The following TRMT11 variants were observed in gnomAD, a reference collection of about 807,000 sequenced individuals.
The protein encoded by TRMT11 is tRNA methyltransferase 11.
In TRMT11, 53 loss-of-function variants were observed where a neutral mutation model predicts 62.8. That is an observed-to-expected ratio of 0.84 (90% CI 0.68 to 1.06). TRMT11 has a LOEUF of 1.06. TRMT11 is among the 50% of genes least tolerant of loss of function. The pLI is 0.00. For synonymous variants in TRMT11, 188 were observed against 190.3 expected (o/e 0.99, Z 0.10); for missense variants, 556 against 553.4 (o/e 1.00, Z -0.05).
At chr6:125,986,658 A>G (rs1200047631) in intron 1 of TRMT11, 36 bp downstream of exon 1, 3 of 1,553,906 alleles carry the variant, frequency 1.9e-6, no homozygotes, top group Admixed American at 1.9e-5. Context: ...TTCCGACGGA[A>G]GAGGACGCTG....
the TRMT11 span, among the ~76,000 whole-genome samples, chr6:126,263,370 T>C: frequency 2.5e-3 from 375 of 152,338 alleles, no homozygotes; most frequent in African/African-American, 8.6e-3. Flanking sequence ...ATATTGGTAA[T>C]TGGCAAACAT....
the TRMT11 span, among the ~76,000 whole-genome samples, chr6:126,270,327 G>A: frequency 6.6e-6 from 1 of 152,158 alleles, no homozygotes; most frequent in Admixed American, 6.5e-5. Context: ...ACAGAAGGGA[G>A]ATGCAAATAT....
intron 1 of TRMT11, among the ~76,000 whole-genome samples, chr6:125,990,168 T>C (rs931757711): frequency 1.3e-5 from 2 of 152,202 alleles, no homozygotes; most frequent in African/African-American, 2.4e-5. Flanking sequence ...ATTGTTTCTT[T>C]TTGTTCTGTT....
rs1377290203 is a variant in TRMT11 at position 126,154,322 on chromosome 6, GAT to G, written c.*1824-20500_*1824-20499del. On this transcript the variant is annotated intron_variant and NMD_transcript_variant, in intron 21 of 22. Coordinates refer to the TRMT11 transcript ENST00000648977. ...GTTAGTGTTAGGTATCAGTAATAAA[GAT>G]ATGTGTGTGTGTGTATGTGTGTGTG... 5.4e-5 allele frequency among the ~76,000 whole-genome samples: 8 copies of G among 146,856 alleles called. No homozygotes were observed. The South Asian group carries it at 6.4e-4, about 12-fold the overall frequency.
intron 1 of TRMT11, 41 bp downstream of exon 1, chr6:125,986,663 A>C: frequency 1.3e-6 from 2 of 1,543,494 alleles, no homozygotes; most frequent in South Asian, 2.4e-5. Context: ...ACGGAAGAGG[A>C]CGCTGGAGTG....
intron 12 of TRMT11, among the ~76,000 whole-genome samples, chr6:126,022,781 A>G (rs1796019190): frequency 1.3e-5 from 2 of 152,244 alleles, no homozygotes; most frequent in Admixed American, 6.5e-5. Context: ...GGTATCTACT[A>G]TATGTATATA....
chr6:126,028,399 T>G (rs1027922418), intron 12 of TRMT11, among the ~76,000 whole-genome samples: 7 of 151,908 alleles, frequency 4.6e-5, no homozygotes, highest in African/African-American at 1.7e-4. Context: ...TGTGTGTATC[T>G]GAGAGAGAGA....
chr6:126,245,955 G>T, the TRMT11 span, among the ~76,000 whole-genome samples: 2 of 152,098 alleles, frequency 1.3e-5, no homozygotes, highest in South Asian at 2.1e-4. Flanking sequence ...GAAAAGAAAA[G>T]AAATTAAATT....
At chr6:126,200,297 G>C (rs1038757195) in intron 3 of TRMT11, among the ~76,000 whole-genome samples, 1 of 152,100 alleles carries the variant, frequency 6.6e-6, no homozygotes, top group Admixed American at 6.5e-5. Context: ...GAAAGCAATG[G>C]CCACATCAAA....
chr6:126,018,467 A>AT (rs918891043), intron 11 of TRMT11, among the ~76,000 whole-genome samples: 1 of 151,382 alleles, frequency 6.6e-6, no homozygotes, highest in East Asian at 1.9e-4. Flanking sequence ...GTACACAATT[A>AT]TTTTTTTTTA....
intron 1 of TRMT11, among the ~76,000 whole-genome samples, chr6:126,196,481 T>C (rs1265766512): frequency 2.6e-5 from 4 of 152,034 alleles, no homozygotes; most frequent in Admixed American, 2.6e-4. Context: ...AAAAATTTTC[T>C]TTTTATTAAT....
At chr6:126,021,862 G>A (rs912162281) in intron 12 of TRMT11, among the ~76,000 whole-genome samples, 11 of 152,002 alleles carry the variant, frequency 7.2e-5, no homozygotes, top group East Asian at 3.9e-4. Flanking sequence ...ATGCCCAGAC[G>A]AGAGTTGACA....
intron 17 of TRMT11, among the ~76,000 whole-genome samples, chr6:126,054,021 G>A (rs1487731768): frequency 6.6e-6 from 1 of 152,158 alleles, no homozygotes; most frequent in Non-Finnish European, 1.5e-5. Flanking sequence ...GAGGAGAAAT[G>A]AAGCTGGACA....
chr6:126,051,958 T>G (rs1776232052), intron 16 of TRMT11, among the ~76,000 whole-genome samples: 1 of 152,130 alleles, frequency 6.6e-6, no homozygotes, highest in Non-Finnish European at 1.5e-5. Context: ...ATTGTACAGC[T>G]CCAAGATTCC....
chr6:126,058,542 C>T (rs571626739), intron 17 of TRMT11, among the ~76,000 whole-genome samples: 6 of 152,112 alleles, frequency 3.9e-5, no homozygotes, highest in Non-Finnish European at 7.4e-5. Flanking sequence ...CTGTCTTCCA[C>T]GATGGTTGAA....
chr6:126,258,238 G>T, the TRMT11 span: 1 of 616,358 alleles, frequency 1.6e-6, no homozygotes, highest in Non-Finnish European at 3.1e-6. Flanking sequence ...CGTCTGTGCC[G>T]CCCGGGCCTC....
chr6:126,107,911 A>G (rs1777482517), intron 17 of TRMT11, among the ~76,000 whole-genome samples: 1 of 152,160 alleles, frequency 6.6e-6, no homozygotes, highest in Non-Finnish European at 1.5e-5. Context: ...CACAAACCTT[A>G]TTAATGTTTG....
At chr6:126,206,396 C>A (rs533311592), downstream of TRMT11, among the ~76,000 whole-genome samples, 18 of 152,246 alleles carry the variant, frequency 1.2e-4, no homozygotes, top group African/African-American at 3.1e-4. Flanking sequence ...GTATTTCTAA[C>A]AAGTTCCCCG....
At chr6:126,238,559 C>T in the TRMT11 span, among the ~76,000 whole-genome samples, 23 of 152,242 alleles carry the variant, frequency 1.5e-4, no homozygotes, top group African/African-American at 4.6e-4. Flanking sequence ...AGTTTGATTG[C>T]ACTGTGGTCT....
Sources: allele counts gnomAD v4.1 joint callset (sites outside exome capture counted in the v4.1 genomes callset), GRCh38; gene constraint gnomAD v4.1.1; transcripts MANE v1.5; gene names NCBI Gene and HGNC (gene_info 2026-07-23, HGNC 2026-07-21).